The following RSRC1 variants were observed in gnomAD, a reference collection of about 807,000 sequenced individuals.
The protein encoded by RSRC1 is serine/Arginine-related protein 53.
In RSRC1, 39 loss-of-function variants were observed where a neutral mutation model predicts 49.1. That is an observed-to-expected ratio of 0.79 (90% CI 0.61 to 1.04). RSRC1 has a LOEUF of 1.04. Among genes scored for constraint, RSRC1 ranks in the 50% least tolerant of loss-of-function variants. The probability of loss-of-function intolerance (pLI) is 0.00; values close to 1 mark genes in which losing one functional copy is unlikely to be tolerated. For missense variants in RSRC1, 388 were observed against 402.4 expected (o/e 0.96, Z 0.31); for synonymous variants, 143 against 130.8 (o/e 1.09, Z -0.63).
chr3:158,523,292 T>C (rs564999952), intron 7 of RSRC1, among the ~76,000 whole-genome samples: 18 of 152,160 alleles, frequency 1.2e-4, no homozygotes, highest in African/African-American at 4.3e-4. Flanking sequence ...GAGTTTCTAC[T>C]CAGAATCAGT....
At chr3:158,280,261 T>TA (rs1189369772) in intron 4 of RSRC1, among the ~76,000 whole-genome samples, 1 of 152,124 alleles carries the variant, frequency 6.6e-6, no homozygotes, top group Non-Finnish European at 1.5e-5. Context: ...GACAGTGGAA[T>TA]AAAATGAGAG....
intron 5 of RSRC1, among the ~76,000 whole-genome samples, chr3:158,311,822 C>G (rs1728146265): frequency 6.6e-6 from 1 of 151,888 alleles, no homozygotes; most frequent in Admixed American, 6.6e-5. Flanking sequence ...ACATTGTATA[C>G]TTTAAATGTA....
chr3:158,267,432 G>T (rs1725253237), intron 4 of RSRC1, among the ~76,000 whole-genome samples: 1 of 151,758 alleles, frequency 6.6e-6, no homozygotes, highest in African/African-American at 2.4e-5. Flanking sequence ...TATTTCTTCA[G>T]ATATTCTGTT....
At chr3:158,419,175 G>A (rs1450117522) in intron 6 of RSRC1, among the ~76,000 whole-genome samples, 2 of 151,966 alleles carry the variant, frequency 1.3e-5, no homozygotes, top group Non-Finnish European at 1.5e-5. Flanking sequence ...TAGAGTGTAA[G>A]TATAATCAAT....
chr3:158,209,090 T>G (rs1721514109), intron 4 of RSRC1, among the ~76,000 whole-genome samples: 1 of 152,304 alleles, frequency 6.6e-6, no homozygotes, highest in Admixed American at 6.5e-5. Context: ...TGGGATTGAT[T>G]TAAATCACCA....
At chr3:158,259,617 A>T (rs1095627) in intron 4 of RSRC1, among the ~76,000 whole-genome samples, 1 of 151,910 alleles carries the variant, frequency 6.6e-6, no homozygotes, top group African/African-American at 2.4e-5. Context: ...TGGCTCTACA[A>T]TCCACAGGTG....
chr3:158,369,873 G>A (rs1176418736), intron 6 of RSRC1, among the ~76,000 whole-genome samples: 1 of 152,000 alleles, frequency 6.6e-6, no homozygotes, highest in Non-Finnish European at 1.5e-5. Context: ...AACAAGTTTT[G>A]CAAGTGTTCA....
At chr3:158,508,239 C>T (rs1739961390) in intron 7 of RSRC1, among the ~76,000 whole-genome samples, 1 of 152,152 alleles carries the variant, frequency 6.6e-6, no homozygotes, top group Non-Finnish European at 1.5e-5. Context: ...GATCAGTTGT[C>T]TGGCACCCAG....
chr3:158,115,305 T>A (rs551082486), intron 1 of RSRC1, among the ~76,000 whole-genome samples: 1 of 152,296 alleles, frequency 6.6e-6, no homozygotes, highest in East Asian at 1.9e-4. Context: ...TTCTCTCTTT[T>A]TGGTCACCCC....
intron 6 of RSRC1, among the ~76,000 whole-genome samples, chr3:158,377,334 GT>G (rs1732429603): frequency 6.6e-6 from 1 of 152,078 alleles, no homozygotes; most frequent in African/African-American, 2.4e-5. Context: ...CAAATTTCTT[GT>G]TGAAATATGA....
intron 5 of RSRC1, among the ~76,000 whole-genome samples, chr3:158,300,775 A>G (rs886656189): frequency 1.3e-5 from 2 of 152,194 alleles, no homozygotes; most frequent in African/African-American, 2.4e-5. Flanking sequence ...TACTTAGATT[A>G]TCATAGAGAG....
chr3:158,507,572 A>G (rs1182169673), intron 7 of RSRC1, among the ~76,000 whole-genome samples: 1 of 152,174 alleles, frequency 6.6e-6, no homozygotes, highest in Non-Finnish European at 1.5e-5. Flanking sequence ...AGGTGATATT[A>G]TAAATGTTGT....
chr3:158,476,024 A>G (rs1232004598), intron 7 of RSRC1, among the ~76,000 whole-genome samples: 1 of 152,194 alleles, frequency 6.6e-6, no homozygotes, highest in Admixed American at 6.6e-5. Flanking sequence ...CATATGAATG[A>G]TAAGAAAACA....
At chr3:158,481,236 C>T (rs532122619) in intron 7 of RSRC1, among the ~76,000 whole-genome samples, 1 of 152,106 alleles carries the variant, frequency 6.6e-6, no homozygotes, top group African/African-American at 2.4e-5. Context: ...TTAAATAAAG[C>T]CTTATTATTG....
At chr3:158,198,767 A>G (rs1720827666) in intron 3 of RSRC1, among the ~76,000 whole-genome samples, 1 of 152,056 alleles carries the variant, frequency 6.6e-6, no homozygotes, top group Non-Finnish European at 1.5e-5. Context: ...ATGCTGGGAG[A>G]TGTAGACTGG....
chr3:158,123,403 A>G (rs1302987397), intron 2 of RSRC1, among the ~76,000 whole-genome samples: 5 of 152,166 alleles, frequency 3.3e-5, no homozygotes, highest in African/African-American at 9.7e-5. Flanking sequence ...GGATCCTCCC[A>G]CCTCAGCTTC....
At chr3:158,123,801 G>A (rs1274986820) in intron 2 of RSRC1, 65 bp from the exon 3 acceptor site, 12 of 1,449,910 alleles carry the variant, frequency 8.3e-6, no homozygotes, top group Middle Eastern at 1.8e-4. Context: ...AATCTAGAAG[G>A]TTTTTCCTTA....
chr3:158,513,391 T>C (rs1013024156), intron 7 of RSRC1, among the ~76,000 whole-genome samples: 1 of 152,256 alleles, frequency 6.6e-6, no homozygotes, highest in African/African-American at 2.4e-5. Flanking sequence ...TTTTTGCCTT[T>C]GGTTCTGTTT....
At chr3:158,165,075 T>G (rs1718455463) in intron 3 of RSRC1, among the ~76,000 whole-genome samples, 1 of 152,216 alleles carries the variant, frequency 6.6e-6, no homozygotes, top group Non-Finnish European at 1.5e-5. Context: ...CCTCACCTTA[T>G]GGCTAGTTAG....
Sources: allele counts gnomAD v4.1 joint callset (sites outside exome capture counted in the v4.1 genomes callset), GRCh38; gene constraint gnomAD v4.1.1; transcripts MANE v1.5; gene names NCBI Gene and HGNC (gene_info 2026-07-23, HGNC 2026-07-21).